SESN1: variants seen among roughly 807,000 people sequenced by gnomAD.
SESN1 encodes the protein sestrin 1, also known as sestrin-1.
A neutral mutation model predicts 59.3 loss-of-function variants in SESN1; 30 were observed. The observed-to-expected ratio is 0.51, with a 90% CI of 0.38 to 0.69. SESN1 has a LOEUF of 0.69. SESN1 is among the 30% of genes least tolerant of loss of function. The pLI, the probability that SESN1 is intolerant of heterozygous loss-of-function variation, is 0.00. For missense variants in SESN1, 566 were observed against 673.0 expected, an observed-to-expected ratio of 0.84 and a Z score of 1.76; for synonymous variants, 197 against 219.9, an observed-to-expected ratio of 0.90 and a Z score of 0.92.
At position 109,079,355 on chromosome 6, in the gene SESN1, A is replaced by G. The variant is rs149549957; in HGVS notation, c.279+14440T>C. ...AAAAAGCAGGTGTCACTAATGAGGT[A>G]TAACAGTTAGACTTTCCATCTTCCT... On this transcript the variant is annotated intron_variant, in intron 1 of 9. Transcript: ENST00000436639. Among the ~76,000 whole-genome samples, 1,320 of 152,340 alleles carry G rather than the reference A, an allele frequency of 8.7e-3. 24 individuals are homozygous for G. The highest frequency in any genetic ancestry group is 0.03 in the African/African-American group (1,243 of 41,582).
intron 1 of SESN1, among the ~76,000 whole-genome samples, chr6:109,069,932 G>A (rs1780902187): frequency 6.6e-6 from 1 of 152,120 alleles, no homozygotes; most frequent in South Asian, 2.1e-4. Context: ...CTTAAAAAAT[G>A]TGATGAAACC....
chr6:109,047,316 G>C (rs1309761015), intron 1 of SESN1, among the ~76,000 whole-genome samples: 12 of 113,048 alleles, frequency 1.1e-4, no homozygotes, highest in African/African-American at 3.3e-4. Flanking sequence ...CCCTCTGCCC[G>C]GCCAGCCGCC....
At chr6:109,068,721 CT>C (rs752278370) in intron 1 of SESN1, among the ~76,000 whole-genome samples, 450 of 133,410 alleles carry the variant, frequency 3.4e-3, no homozygotes, top group African/African-American at 5.3e-3. Flanking sequence ...ATTTCCTGGG[CT>C]TTTTTTTTTT....
At chr6:109,072,957 T>C (rs868560260) in intron 1 of SESN1, among the ~76,000 whole-genome samples, 13 of 152,292 alleles carry the variant, frequency 8.5e-5, no homozygotes, top group South Asian at 2.1e-4. Flanking sequence ...GAAAAAATTA[T>C]AAATAGGTAA....
intron 1 of SESN1, among the ~76,000 whole-genome samples, chr6:109,017,507 G>A (rs1226943191): frequency 1.3e-5 from 2 of 152,028 alleles, no homozygotes; most frequent in South Asian, 2.1e-4. Flanking sequence ...GGATGGTCTC[G>A]ATCTCCTCAC....
At chr6:109,084,871 T>C (rs2114478765) in intron 1 of SESN1, among the ~76,000 whole-genome samples, 1 of 152,246 alleles carries the variant, frequency 6.6e-6, no homozygotes, top group Admixed American at 6.5e-5. Context: ...AAAGGTTGTT[T>C]TTAATCTATT....
chr6:109,053,762 C>T (rs1199881519), intron 1 of SESN1, among the ~76,000 whole-genome samples: 1 of 152,180 alleles, frequency 6.6e-6, no homozygotes, highest in East Asian at 1.9e-4. Context: ...TCTCATGAAA[C>T]AAGAACTAGA....
At position 108,986,012 on chromosome 6, in the gene SESN1, C is replaced by T. The variant is rs1325402776; in HGVS notation, c.*1532G>A. On this transcript the variant is annotated 3_prime_UTR_variant, in exon 10 of 10. Transcript: ENST00000436639. ...TTCCCAACCCCTACTTCCACACTAC[C>T]CCATACATTTGTAGGCAGGCACTAG... 2.0e-5 allele frequency among the ~76,000 whole-genome samples: 3 copies of T among 152,116 alleles called. No homozygotes were observed. The East Asian group carries it at 5.8e-4, about 29-fold the overall frequency.
At chr6:108,995,253 C>T (rs1779480690) in intron 5 of SESN1, among the ~76,000 whole-genome samples, 1 of 152,176 alleles carries the variant, frequency 6.6e-6, no homozygotes, top group African/African-American at 2.4e-5. Context: ...CTTCTACTTG[C>T]TTAATCTTTA....
intron 1 of SESN1, chr6:109,087,956 G>A (rs1040388209): frequency 1.3e-5 from 2 of 152,128 alleles, no homozygotes; most frequent in Non-Finnish European, 2.9e-5. Context: ...AAGTGATGGG[G>A]GGGCAGGGGG....
rs185295936 is a variant in SESN1, at chr6:109,063,433, A to C, written c.279+30362T>G. Among the ~76,000 whole-genome samples the C allele has an allele frequency of 1.9e-3, 286 of 152,282 alleles. 1 individual carries two copies. Among genetic ancestry groups the C allele is most frequent in the Non-Finnish European group, 3.1e-3 (214 of 68,006 alleles). Reference sequence around the variant, plus strand: ...CATACCCAGTAGGCAACTCAATTACAGTGATGGGACCAGAGGGGATAGAGA... The same window carrying C: ...CATACCCAGTAGGCAACTCAATTACCGTGATGGGACCAGAGGGGATAGAGA... On this transcript the variant is annotated intron_variant, in intron 1 of 9. Coordinates refer to ENST00000436639, the MANE Select transcript of SESN1 (RefSeq NM_014454.3).
intron 1 of SESN1, among the ~76,000 whole-genome samples, chr6:109,040,763 C>T (rs1189829006): frequency 6.6e-6 from 1 of 151,854 alleles, no homozygotes; most frequent in Non-Finnish European, 1.5e-5. Context: ...AGCGATTCTC[C>T]CGCCTCAGCC....
chr6:109,070,078 G>A (rs1287888486), intron 1 of SESN1, among the ~76,000 whole-genome samples: 1 of 152,008 alleles, frequency 6.6e-6, no homozygotes, highest in Non-Finnish European at 1.5e-5. Flanking sequence ...TTATTTTAAT[G>A]TTCCATTTTA....
At chr6:109,046,790 T>C (rs973081080) in intron 1 of SESN1, among the ~76,000 whole-genome samples, 3 of 133,440 alleles carry the variant, frequency 2.2e-5, no homozygotes, top group African/African-American at 8.4e-5. Flanking sequence ...GTCTGGGAGG[T>C]GAGGAGCGTC....
intron 1 of SESN1, among the ~76,000 whole-genome samples, chr6:109,035,029 T>C (rs1780230852): frequency 6.6e-6 from 1 of 152,110 alleles, no homozygotes; most frequent in Non-Finnish European, 1.5e-5. Context: ...TCTTAATAGG[T>C]TTTTTCCTCA....
In SESN1 at chr6:109,065,802, C is replaced by T. The variant is rs1780815125; in HGVS notation, c.279+27993G>A. Among the ~76,000 whole-genome samples, 3 of 151,646 alleles carry T rather than the reference C, an allele frequency of 2.0e-5. No homozygotes were observed. In the South Asian group the frequency reaches 6.2e-4, roughly 31 times the overall value. ...TTATTTTCTTTAAAATATTAAATTA[C>T]TTTAATATTACTTTAAAATATTGAA... is the stretch of plus-strand genomic sequence containing the variant. On this transcript the variant is annotated intron_variant, in intron 1 of 9. Coordinates refer to ENST00000436639, the MANE Select transcript of SESN1 (RefSeq NM_014454.3).
At chr6:109,022,747 A>C (rs1673535670) in intron 1 of SESN1, among the ~76,000 whole-genome samples, 1 of 152,054 alleles carries the variant, frequency 6.6e-6, no homozygotes, top group African/African-American at 2.4e-5. Flanking sequence ...TAACTCATTT[A>C]ACTATCATAA....
chr6:108,998,634 ATTTC>A lies in SESN1; in HGVS notation c.847_850del (p.Glu283PhefsTer42). On this transcript the variant is annotated frameshift_variant, in exon 5 of 10. Transcript: ENST00000436639. LOFTEE classifies it high-confidence loss of function. ...GAATGTGTGGCCACCATCACAATGA[ATTTC>A]TGGACTGATTCCACAGCCGAATGTG... 2 of 1,613,952 alleles carry A rather than the reference ATTTC, an allele frequency of 1.2e-6. No homozygotes were observed. Among genetic ancestry groups the A allele is most frequent in the Non-Finnish European group, 1.7e-6 (2 of 1,179,852 alleles).
At chr6:109,086,654 A>C (rs1027628092) in intron 1 of SESN1, among the ~76,000 whole-genome samples, 59 of 152,364 alleles carry the variant, frequency 3.9e-4, no homozygotes, top group Non-Finnish European at 8.1e-4. Context: ...GTTTTAGAGG[A>C]TCCTTCATGA....
Sources: gnomAD v4.1 joint callset for allele counts (sites outside exome capture counted in the v4.1 genomes callset) on GRCh38, gnomAD v4.1.1 for gene constraint, MANE v1.5 for transcripts, NCBI Gene and HGNC (gene_info 2026-07-23, HGNC 2026-07-21) for gene names.